CHST8: variants seen among roughly 807,000 people sequenced by gnomAD.
The protein encoded by CHST8 is GALNAC-4-ST1.
In CHST8, 10 loss-of-function variants were observed where a neutral mutation model predicts 15.0. The ratio of observed to expected loss-of-function variants is 0.67; its 90% confidence interval spans 0.41 to 1.13. The LOEUF (loss-of-function observed/expected upper bound fraction) is 1.13, where lower values mean the gene tolerates loss of function less well. Among genes scored for constraint, CHST8 ranks in the 50% most tolerant of loss-of-function variants. The pLI is 0.00. For synonymous variants in CHST8, 259 were observed against 256.6 expected, an observed-to-expected ratio of 1.01 and a Z score of -0.09; for missense variants, 634 against 608.2, an observed-to-expected ratio of 1.04 and a Z score of -0.45.
rs187087943 is a variant in CHST8 at position 33,641,291 on chromosome 19, C to A, written c.-164+18995C>A. ...GGTAGGCTGGGTGAGTCCTCTTCTG[C>A]CAGGATCAGAGTCCTCGGGGAACAG... is the stretch of plus-strand genomic sequence containing the variant. On this transcript the variant is annotated intron_variant, in intron 1 of 4. Coordinates refer to ENST00000650847, the MANE Select transcript of CHST8 (RefSeq NM_001127895.2). Among the ~76,000 whole-genome samples the A allele has an allele frequency of 2.4e-3, 358 of 152,298 alleles. 1 individual carries two copies. The highest frequency in any genetic ancestry group is 8.2e-3 in the African/African-American group (340 of 41,568).
intron 2 of CHST8, among the ~76,000 whole-genome samples, chr19:33,681,012 G>A (rs1972880321): frequency 6.6e-6 from 1 of 152,216 alleles, no homozygotes; most frequent in Non-Finnish European, 1.5e-5. Context: ...CCGTAGAACA[G>A]TATTAAAACC....
chr19:33,711,243 G>A (rs544596643), intron 3 of CHST8, among the ~76,000 whole-genome samples: 1 of 152,152 alleles, frequency 6.6e-6, no homozygotes, highest in Non-Finnish European at 1.5e-5. Flanking sequence ...AAGCTACCAG[G>A]CTTCTCACTC....
intron 3 of CHST8, among the ~76,000 whole-genome samples, chr19:33,754,539 G>C (rs1437980213): frequency 6.6e-6 from 1 of 152,142 alleles, no homozygotes; most frequent in Non-Finnish European, 1.5e-5. Flanking sequence ...GGACAGGATC[G>C]ACTTTACCAA....
rs574136655 is a variant in CHST8, at chr19:33,642,642, C to T, written c.-164+20346C>T. Among the ~76,000 whole-genome samples the T allele has an allele frequency of 1.3e-3, 194 of 152,264 alleles. 2 individuals carry two copies. Among genetic ancestry groups the T allele is most frequent in the Middle Eastern group, 3.4e-3 (1 of 294 alleles). Reference sequence around the variant, plus strand: ...CCTCCCAAAGTGCTGGGATTACAGGCGTGAGCCACTGCGCCCAGCCAGGAG... The same window carrying T: ...CCTCCCAAAGTGCTGGGATTACAGGTGTGAGCCACTGCGCCCAGCCAGGAG... On this transcript the variant is annotated intron_variant, in intron 1 of 4. Coordinates refer to ENST00000650847, the MANE Select transcript of CHST8 (RefSeq NM_001127895.2).
Position 33,686,212 on chromosome 19 carries a change from G to A in CHST8, c.-86-2964G>A, listed in dbSNP as rs182674852. Among the ~76,000 whole-genome samples, 3 of 152,310 alleles carry A rather than the reference G, an allele frequency of 2.0e-5. No individual in the cohort carries two copies. The East Asian group carries it at 5.8e-4, about 29-fold the overall frequency. On this transcript the variant is annotated intron_variant, in intron 2 of 4. Coordinates refer to ENST00000650847, the MANE Select transcript of CHST8 (RefSeq NM_001127895.2). The stretch of plus-strand genomic sequence containing the variant: ...GCAGGGTCTTTGAAAGGGGAAACGT[G>A]AACAGATGAAGCTCCACCACCATGG...
At chr19:33,624,330 G>T (rs1259419836) in intron 1 of CHST8, among the ~76,000 whole-genome samples, 2 of 152,198 alleles carry the variant, frequency 1.3e-5, no homozygotes, top group African/African-American at 4.8e-5. Context: ...AGGCTCGTCT[G>T]ACCTCCTGGG....
intron 2 of CHST8, among the ~76,000 whole-genome samples, 195 bp downstream of exon 2, chr19:33,668,038 G>A (rs1270642182): frequency 6.6e-6 from 1 of 152,122 alleles, no homozygotes; most frequent in African/African-American, 2.4e-5. Flanking sequence ...CAGGGCCTGA[G>A]GAAAAGAATG....
chr19:33,680,415 G>A (rs1398976159), intron 2 of CHST8, among the ~76,000 whole-genome samples: 3 of 152,140 alleles, frequency 2.0e-5, no homozygotes, highest in Non-Finnish European at 2.9e-5. Context: ...TCTGTGCTGC[G>A]GCTAAATCTG....
chr19:33,767,249 G>C (rs1974868801), intron 3 of CHST8, among the ~76,000 whole-genome samples: 1 of 152,220 alleles, frequency 6.6e-6, no homozygotes, highest in African/African-American at 2.4e-5. Context: ...CCAAAAGGCT[G>C]CTCCCCAGTT....
chr19:33,768,024 T>C (rs1330537506), intron 3 of CHST8, among the ~76,000 whole-genome samples: 1 of 152,174 alleles, frequency 6.6e-6, no homozygotes, highest in African/African-American at 2.4e-5. Flanking sequence ...CGTGAGCCCT[T>C]AGCTGTACTT....
chr19:33,650,889 A>G (rs556654030), intron 1 of CHST8, among the ~76,000 whole-genome samples: 72 of 152,100 alleles, frequency 4.7e-4, no homozygotes, highest in South Asian at 2.3e-3. Context: ...TTGTATTTTT[A>G]GTAGAGATGG....
intron 3 of CHST8, among the ~76,000 whole-genome samples, chr19:33,700,680 G>T (rs1973314915): frequency 6.6e-6 from 1 of 152,150 alleles, no homozygotes; most frequent in Non-Finnish European, 1.5e-5. Context: ...GTCTTCGTGG[G>T]GGTTCCTCCT....
intron 1 of CHST8, among the ~76,000 whole-genome samples, chr19:33,649,732 C>T (rs1208365997): frequency 6.6e-6 from 1 of 152,156 alleles, no homozygotes; most frequent in African/African-American, 2.4e-5. Context: ...CCTCTGTAAA[C>T]CGGCCAGAAC....
At chr19:33,758,215 A>G in intron 3 of CHST8, among the ~76,000 whole-genome samples, 1 of 129,094 alleles carries the variant, frequency 7.7e-6, no homozygotes, top group Admixed American at 8.1e-5. Context: ...AAGACACTGG[A>G]GATGTTGGTG....
rs114795128 is a variant in CHST8, at chr19:33,653,834, G to A, written c.-163-13933G>A. On this transcript the variant is annotated intron_variant, in intron 1 of 4. Transcript: ENST00000650847. ...GATACTGGCACATGGTCAGCTCTAC[G>A]TAAACCTTGGTGATTAATGTTCTCT... Among the ~76,000 whole-genome samples, 1,063 of 152,246 alleles carry A rather than the reference G, an allele frequency of 7.0e-3. 13 individuals carry two copies. Among genetic ancestry groups the A allele is most frequent in the African/African-American group, 0.024 (1,001 of 41,530 alleles).
intron 1 of CHST8, among the ~76,000 whole-genome samples, chr19:33,657,547 C>T (rs1337415284): frequency 6.6e-6 from 1 of 151,992 alleles, no homozygotes; most frequent in Non-Finnish European, 1.5e-5. Flanking sequence ...GTTGGGATTA[C>T]AGGCATAAGC....
At chr19:33,682,201 T>TTG (rs1972902513) in intron 2 of CHST8, among the ~76,000 whole-genome samples, 1 of 146,304 alleles carries the variant, frequency 6.8e-6, no homozygotes, top group African/African-American at 2.5e-5. Context: ...TTTTTTTTTT[T>TTG]TTTTTTTTTG....
intron 1 of CHST8, among the ~76,000 whole-genome samples, chr19:33,644,577 A>G (rs1053617354): frequency 3.9e-5 from 6 of 152,062 alleles, no homozygotes; most frequent in Non-Finnish European, 7.4e-5. Context: ...TCTAAAAAAA[A>G]AAATTTTTTT....
At chr19:33,694,378 G>A (rs1973167831) in intron 3 of CHST8, among the ~76,000 whole-genome samples, 1 of 150,960 alleles carries the variant, frequency 6.6e-6, no homozygotes, top group Admixed American at 6.6e-5. Flanking sequence ...GTGGTTCTAG[G>A]GTGCCCAGTG....
Sources: allele counts gnomAD v4.1 joint callset (sites outside exome capture counted in the v4.1 genomes callset), GRCh38; gene constraint gnomAD v4.1.1; transcripts MANE v1.5; gene names NCBI Gene and HGNC (gene_info 2026-07-23, HGNC 2026-07-21).